WDFY4: variants seen among roughly 807,000 people sequenced by gnomAD.
WDFY4 encodes WD repeat- and FYVE domain-containing protein 4.
Under a neutral mutation model 351.9 loss-of-function variants are expected in WDFY4, and 169 were observed. That is an observed-to-expected ratio of 0.48 (90% CI 0.42 to 0.55). The LOEUF (loss-of-function observed/expected upper bound fraction) is 0.55, where lower values mean the gene tolerates loss of function less well. WDFY4 is among the 20% of genes least tolerant of loss of function. The pLI is 0.00. For missense variants in WDFY4, 3,803 were observed against 3,935.6 expected, an observed-to-expected ratio of 0.97 and a Z score of 0.90; for synonymous variants, 1,622 against 1,574.6, an observed-to-expected ratio of 1.03 and a Z score of -0.71.
chr10:48,687,123 G>T (rs1164209943), intron 1 of WDFY4, among the ~76,000 whole-genome samples: 5 of 152,088 alleles, frequency 3.3e-5, no homozygotes, highest in Non-Finnish European at 5.9e-5. Context: ...ACTAAGGTTG[G>T]ACATCTTTTT....
chr10:48,752,892 C>T (rs1174137975), intron 12 of WDFY4, among the ~76,000 whole-genome samples: 2 of 152,062 alleles, frequency 1.3e-5, no homozygotes, highest in African/African-American at 2.4e-5. Flanking sequence ...TGAATATATA[C>T]CTAGGAGTAG....
At chr10:48,834,097 G>A (rs1437069180) in intron 39 of WDFY4, among the ~76,000 whole-genome samples, 1 of 152,222 alleles carries the variant, frequency 6.6e-6, no homozygotes, top group Non-Finnish European at 1.5e-5. Flanking sequence ...CAAAGCACAT[G>A]TCTTATTCAG....
chr10:48,770,623 G>A (rs1478988809), intron 13 of WDFY4, among the ~76,000 whole-genome samples: 2 of 152,208 alleles, frequency 1.3e-5, no homozygotes, highest in Admixed American at 1.3e-4. Flanking sequence ...TTAGGTGGAT[G>A]AAGGAAGAGA....
chr10:48,873,136 T>C (rs980293250), intron 40 of WDFY4, among the ~76,000 whole-genome samples: 1 of 152,176 alleles, frequency 6.6e-6, no homozygotes, highest in Non-Finnish European at 1.5e-5. Flanking sequence ...GGGATTGTGG[T>C]GAGATTCATG....
At chr10:48,896,991 G>A (rs889269525) in intron 44 of WDFY4, among the ~76,000 whole-genome samples, 1 of 152,162 alleles carries the variant, frequency 6.6e-6, no homozygotes, top group Non-Finnish European at 1.5e-5. Flanking sequence ...GCCAGGCTGG[G>A]CATGGGGGAG....
rs190248697 is a variant in WDFY4 at position 48,859,061 on chromosome 10, C to T, written c.6664-8204C>T. 5.6e-3 allele frequency among the ~76,000 whole-genome samples: 847 copies of T among 151,964 alleles called. 3 individuals are homozygous for T. The highest frequency in any genetic ancestry group is 0.02 in the African/African-American group (816 of 41,444). ...GTGTGTTGATCTTATATCCTGTGAC[C>T]GCATTTTTTTTGTAAATACCTTGAG... is the stretch of plus-strand genomic sequence containing the variant. On this transcript the variant is annotated intron_variant, in intron 39 of 61. Transcript: ENST00000325239.
chr10:48,854,495 C>G (rs147745936), intron 39 of WDFY4, among the ~76,000 whole-genome samples: 2 of 152,186 alleles, frequency 1.3e-5, no homozygotes, highest in East Asian at 3.9e-4. Context: ...TTGCAGTTTA[C>G]AAAATATTTT....
intron 58 of WDFY4, among the ~76,000 whole-genome samples, chr10:48,975,608 T>G (rs1842533935): frequency 2.0e-5 from 3 of 152,014 alleles, no homozygotes; most frequent in Non-Finnish European, 2.9e-5. Context: ...AGAGGAGGGA[T>G]GATATAGGAG....
Position 48,709,803 on chromosome 10 carries a change from TTGCTGCTGTGCAGCC to T in WDFY4, c.74_88del (p.Ala25_Pro29del). 1.3e-6 allele frequency: 2 copies of T among 1,551,926 alleles called. No homozygotes were observed. The highest frequency in any genetic ancestry group is 1.7e-6 in the Non-Finnish European group (2 of 1,147,038). On this transcript the variant is annotated inframe_deletion, in exon 2 of 62. Coordinates refer to ENST00000325239, the MANE Select transcript of WDFY4 (RefSeq NM_001394531.1). ...CCAGGTTCCAAAAATGAAGGGCAGC[TTGCTGCTGTGCAGCC>T]TGATGTCCCACATGGAGGGCAGTCC...
chr10:48,719,615 TGAG>T (rs1003210709), intron 2 of WDFY4, among the ~76,000 whole-genome samples: 4 of 152,130 alleles, frequency 2.6e-5, no homozygotes, highest in African/African-American at 9.7e-5. Flanking sequence ...AAATGGTAAA[TGAG>T]GAGAAACAGG....
chr10:48,934,687 G>A (rs566588322), intron 47 of WDFY4, among the ~76,000 whole-genome samples: 7 of 152,314 alleles, frequency 4.6e-5, no homozygotes, highest in Middle Eastern at 3.4e-3. Context: ...ATTACAGTAA[G>A]CGGTAATCAG....
intron 16 of WDFY4, 148 bp from the exon 17 acceptor site, chr10:48,777,271 G>A (rs1589582238): frequency 1.2e-6 from 1 of 803,156 alleles, no homozygotes; most frequent in East Asian, 2.7e-5. Context: ...AGCACCAGCT[G>A]CAGTCCATCC....
intron 47 of WDFY4, chr10:48,910,915 T>C (rs1837939360): frequency 1.2e-5 from 12 of 985,218 alleles, no homozygotes; most frequent in Non-Finnish European, 1.4e-5. Context: ...TTCTCTTAAC[T>C]TCTCTCCTTT....
In WDFY4 at chr10:48,810,728, T is replaced by C. The variant is rs1378021844; in HGVS notation, c.5037T>C (p.Ile1679=). 1 of 1,532,648 alleles carries C rather than the reference T, an allele frequency of 6.5e-7. No individual in the cohort carries two copies. The allele number at this position is 1,532,648 out of a possible 1,614,324, so 94.9% of individuals were successfully genotyped here. ...WVERSTEGVD[I]VMDNLKSQSP... ...AACGCAGCACTGAGGGCGTGGATAT[T>C]GTAATGGGTGAGCACGTGGCTGTCT... is the stretch of plus-strand genomic sequence containing the variant. The change falls in exon 29 of 62, where the codon ATT becomes ATC. Residue 1679 remains isoleucine, a synonymous_variant. Transcript: ENST00000325239.
chr10:48,741,009 A>G (rs887081582), intron 11 of WDFY4, among the ~76,000 whole-genome samples: 5 of 152,198 alleles, frequency 3.3e-5, no homozygotes, highest in Admixed American at 2.0e-4. Flanking sequence ...TTGGTCTTTC[A>G]TAGATTCTCC....
intron 39 of WDFY4, among the ~76,000 whole-genome samples, chr10:48,837,934 G>C (rs530914725): frequency 2.0e-5 from 3 of 152,322 alleles, no homozygotes; most frequent in South Asian, 4.1e-4. Context: ...AGCAAAGATT[G>C]GGGGACTTAT....
At chr10:48,819,113 C>G (rs1050841037) in intron 32 of WDFY4, among the ~76,000 whole-genome samples, 12 of 152,380 alleles carry the variant, frequency 7.9e-5, no homozygotes, top group African/African-American at 2.4e-4. Flanking sequence ...CTCCTGCTCC[C>G]CATGGTCAGC....
chr10:48,806,070 C>T lies in WDFY4; in HGVS notation c.4713C>T (p.Asp1571=), dbSNP rs569578432. 42 of 1,551,640 alleles carry T rather than the reference C, an allele frequency of 2.7e-5. No individual in the cohort carries two copies. The highest frequency in any genetic ancestry group is 2.5e-4 in the South Asian group (21 of 84,054). The change falls in exon 27 of 62, where the codon GAC becomes GAT. Residue 1571 remains aspartate, a synonymous_variant. Coordinates refer to ENST00000325239, the MANE Select transcript of WDFY4 (RefSeq NM_001394531.1). ...TGAATGAGAGGCAGATCTGCATGGA[C>T]GGAGCCCTGGACCCTTCCCTGCCTG... ...SSVNERQICM[D]GALDPSLPAG...
chr10:48,943,022 A>C (rs1840859542), intron 48 of WDFY4, among the ~76,000 whole-genome samples: 1 of 152,174 alleles, frequency 6.6e-6, no homozygotes, highest in African/African-American at 2.4e-5. Flanking sequence ...CTATGATTTT[A>C]GTCAACTTCT....
Sources: allele counts gnomAD v4.1 joint callset (sites outside exome capture counted in the v4.1 genomes callset), GRCh38; gene constraint gnomAD v4.1.1; transcripts MANE v1.5; gene names NCBI Gene and HGNC (gene_info 2026-07-23, HGNC 2026-07-21).